DOCK10: variants seen among roughly 807,000 people sequenced by gnomAD.
DOCK10 encodes the protein dedicator of cytokinesis protein 10.
DOCK10 carries 145 observed loss-of-function variants against 280.1 expected under a neutral mutation model. That is an observed-to-expected ratio of 0.52 (90% CI 0.45 to 0.59). The LOEUF is 0.59. Ranked by LOEUF, DOCK10 falls within the 20% of genes least tolerant of loss-of-function variation. DOCK10 has a pLI of 0.00. For synonymous variants in DOCK10, 915 were observed against 942.2 expected, an observed-to-expected ratio of 0.97 and a Z score of 0.53; for missense variants, 2,368 against 2,651.7, an observed-to-expected ratio of 0.89 and a Z score of 2.35.
chr2:224,767,157 A>C (rs10181850), intron 55 of DOCK10, among the ~76,000 whole-genome samples: 24,597 of 144,448 alleles, frequency 0.17, 2,360 homozygotes, highest in East Asian at 0.35. Flanking sequence ...AATCTGAAAA[A>C]ACAGCAATCA....
intron 1 of DOCK10, among the ~76,000 whole-genome samples, chr2:224,975,208 C>CTCTCA (rs1216065905): frequency 2.6e-5 from 4 of 152,128 alleles, no homozygotes; most frequent in African/African-American, 9.7e-5. Flanking sequence ...ATTACTAAGG[C>CTCTCA]TCTCATTACA....
chr2:224,874,056 T>C lies in DOCK10; in HGVS notation c.1197A>G (p.Lys399=), dbSNP rs1243998178. 9.3e-6 allele frequency: 15 copies of C among 1,613,724 alleles called. No homozygotes were observed. Among genetic ancestry groups the C allele is most frequent in the Non-Finnish European group, 1.1e-5 (13 of 1,179,814 alleles). ...KAAKRIMIIC[K]ALNSNLQGCV... ...ATCCCTGAAGATTTGAGTTGAGGGC[T>C]TTACAGATGATCATGATTCTCTTGG... The change falls in exon 11 of 56, where the codon AAA becomes AAG. Residue 399 remains lysine, a synonymous_variant. Transcript: ENST00000258390.
Position 224,841,873 on chromosome 2 carries a change from G to A in DOCK10, c.2592C>T (p.Phe864=), listed in dbSNP as rs374467379. The change falls in exon 23 of 56, where the codon TTC becomes TTT. Residue 864 remains phenylalanine (F), a synonymous_variant. Transcript: ENST00000258390. ...NTQDPHVNAF[F]QECQKREKDM... Reference sequence around the variant, plus strand: ...CTTTCTCTCTTTTTTGGCACTCTTGGAAAAATGCATTCACATGTGGATCCT... The same window carrying A: ...CTTTCTCTCTTTTTTGGCACTCTTGAAAAAATGCATTCACATGTGGATCCT... 6.2e-7 allele frequency: 1 copy of A among 1,612,442 alleles called. No individual in the cohort carries two copies. Among genetic ancestry groups the A allele is most frequent in the Non-Finnish European group, 8.5e-7 (1 of 1,178,838 alleles).
At position 224,943,765 on chromosome 2, in the gene DOCK10, T is replaced by C. The variant is rs200528677; in HGVS notation, c.124-12097A>G. 1.1e-4 allele frequency among the ~76,000 whole-genome samples: 16 copies of C among 146,742 alleles called. No individual in the cohort carries two copies. The East Asian group carries it at 2.9e-3, about 27-fold the overall frequency. On this transcript the variant is annotated intron_variant, in intron 1 of 55. Transcript: ENST00000258390. ...TTTAAGATTTTTTTTTCTTTTCTTT[T>C]TTTTTTTTTTTTTTTTGAGTCAGAG... is the stretch of plus-strand genomic sequence containing the variant.
At chr2:224,778,372 T>A in intron 50 of DOCK10, 88 bp from the exon 51 acceptor site, 1 of 1,347,428 alleles carries the variant, frequency 7.4e-7, no homozygotes, top group Non-Finnish European at 1.0e-6. Context: ...TTAAAAAACA[T>A]ATACAGTTTT....
intron 7 of DOCK10, among the ~76,000 whole-genome samples, chr2:224,877,055 T>C (rs1176146301): frequency 6.6e-6 from 1 of 152,222 alleles, no homozygotes; most frequent in East Asian, 1.9e-4. Flanking sequence ...TTCTTATTGC[T>C]GCCACAAGGA....
Position 224,876,039 on chromosome 2 carries a change from C to A in DOCK10, c.930G>T (p.Leu310=). 6.2e-7 allele frequency: 1 copy of A among 1,611,686 alleles called. No individual in the cohort carries two copies. The highest frequency in any genetic ancestry group is 8.5e-7 in the Non-Finnish European group (1 of 1,179,150). ...GAAGACGGCTTCATATGCTCTCACC[C>A]AGACCCAGATCAGTGAGCTCTGTGC... ...RRSTELTDLG[L]DSLDNSVTCE... Residue 310 remains leucine, a splice_region_variant and synonymous_variant, in exon 8 of 56, where the codon CTG becomes CTT. Coordinates refer to ENST00000258390, the MANE Select transcript of DOCK10 (RefSeq NM_014689.3).
intron 3 of DOCK10, among the ~76,000 whole-genome samples, chr2:224,908,633 A>T (rs1397844619): frequency 2.0e-5 from 3 of 152,088 alleles, no homozygotes; most frequent in Admixed American, 2.0e-4. Flanking sequence ...AGTATTTGGG[A>T]CTGCAGGTGC....
At chr2:224,934,049 A>G (rs1413083184) in intron 1 of DOCK10, among the ~76,000 whole-genome samples, 1 of 152,200 alleles carries the variant, frequency 6.6e-6, no homozygotes, top group Non-Finnish European at 1.5e-5. Context: ...ATAAAACCAC[A>G]GAGAAACTAA....
At chr2:224,984,436 C>T (rs1705905539) in intron 1 of DOCK10, among the ~76,000 whole-genome samples, 1 of 152,202 alleles carries the variant, frequency 6.6e-6, no homozygotes, top group South Asian at 2.1e-4. Flanking sequence ...CTATTACAGT[C>T]CCGCCTTTAT....
chr2:224,921,110 AAAAT>A (rs1416807074), intron 2 of DOCK10, among the ~76,000 whole-genome samples: 26 of 69,628 alleles, frequency 3.7e-4, no homozygotes, highest in African/African-American at 2.7e-3. Flanking sequence ...AAAAAAAAAA[AAAAT>A]ATATATATAT....
Position 224,804,198 on chromosome 2 carries a change from TGCA to T in DOCK10, c.4179_4181del (p.Ala1394del). 1 of 1,610,062 alleles carries T rather than the reference TGCA, an allele frequency of 6.2e-7. No individual in the cohort carries two copies. The highest frequency in any genetic ancestry group is 8.5e-7 in the Non-Finnish European group (1 of 1,177,536). On this transcript the variant is annotated inframe_deletion, in exon 39 of 56. Transcript: ENST00000258390. Reference sequence around the variant, plus strand: ...TCTGGGTGGACTGCACAAATTTAAATGCAGCAGCAATTTTTCTGCAATGAAAAT... The same window carrying T: ...TCTGGGTGGACTGCACAAATTTAAATGCAGCAATTTTTCTGCAATGAAAAT...
rs1369931860 is a variant in DOCK10 at position 225,042,351 on chromosome 2, C to T, written c.24G>A (p.Arg8=). Reference sequence around the variant, plus strand: ...CAGGTCTCAACAGGCTCCGGGTGAACCTGCGGGTCCGCTCACCGGCCATCG... The same window carrying T: ...CAGGTCTCAACAGGCTCCGGGTGAATCTGCGGGTCCGCTCACCGGCCATCG... MAGERTR[R]FTRSLLRPGQ... The change falls in exon 1 of 56, where the codon AGG becomes AGA. Residue 8 remains arginine, a synonymous_variant. Coordinates refer to ENST00000258390, the MANE Select transcript of DOCK10 (RefSeq NM_014689.3). The surrounding 1 kb of genome is among the most constrained non-coding windows in gnomAD (Gnocchi z 5.1). 12 of 1,293,286 alleles carry T rather than the reference C, an allele frequency of 9.3e-6. No individual in the cohort carries two copies. The East Asian group carries it at 1.9e-4, about 20-fold the overall frequency. The allele number at this position is 1,293,286 out of a possible 1,614,324, so 80.1% of individuals were successfully genotyped here.
At chr2:224,888,080 T>C (rs973418412) in intron 4 of DOCK10, among the ~76,000 whole-genome samples, 2 of 152,152 alleles carry the variant, frequency 1.3e-5, no homozygotes, top group East Asian at 1.9e-4. Context: ...TTGAAGGAGA[T>C]AAAGTCGCCA....
intron 1 of DOCK10, among the ~76,000 whole-genome samples, chr2:225,016,457 T>G (rs2106083741): frequency 6.6e-6 from 1 of 151,372 alleles, no homozygotes; most frequent in African/African-American, 2.4e-5. Context: ...ATTATCTATG[T>G]GCACATTCTT....
chr2:224,848,245 C>A (rs1696494476), intron 19 of DOCK10, among the ~76,000 whole-genome samples: 2 of 152,166 alleles, frequency 1.3e-5, no homozygotes, highest in South Asian at 4.1e-4. Context: ...CTGTTTTAAG[C>A]TGCTAAATGG....
At chr2:224,933,679 A>G (rs149211354) in intron 1 of DOCK10, among the ~76,000 whole-genome samples, 13 of 152,328 alleles carry the variant, frequency 8.5e-5, no homozygotes, top group East Asian at 7.7e-4. Context: ...CAGCTTAAGT[A>G]TATGATGCCC....
In DOCK10 at chr2:224,868,498, G is replaced by T. The variant is rs540785195; in HGVS notation, c.1258-3411C>A. 5.3e-5 allele frequency among the ~76,000 whole-genome samples: 8 copies of T among 152,280 alleles called. No individual in the cohort carries two copies. The East Asian group carries it at 1.5e-3, about 29-fold the overall frequency. ...TCTACCAGTATTCTAGGGGCAAACA[G>T]ATTATAGTGAAACACCCTATTGTGA... On this transcript the variant is annotated intron_variant, in intron 11 of 55. Coordinates refer to ENST00000258390, the MANE Select transcript of DOCK10 (RefSeq NM_014689.3).
chr2:224,856,238 A>G (rs1457631410), intron 15 of DOCK10, among the ~76,000 whole-genome samples: 2 of 152,238 alleles, frequency 1.3e-5, no homozygotes, highest in African/African-American at 4.8e-5. Context: ...GTGCCCCCTT[A>G]AATTAGACAG....
Sources: gnomAD v4.1 joint callset for allele counts (sites outside exome capture counted in the v4.1 genomes callset) on GRCh38, gnomAD v4.1.1 for gene constraint, Gnocchi (gnomAD v3.1) non-coding constraint, MANE v1.5 for transcripts, NCBI Gene and HGNC (gene_info 2026-07-23, HGNC 2026-07-21) for gene names.